MYL3: variants seen among roughly 807,000 people sequenced by gnomAD.
MYL3 encodes myosin light chain 3.
A neutral mutation model predicts 21.3 loss-of-function variants in MYL3; 11 were observed. The observed-to-expected ratio is 0.52, with a 90% confidence interval of 0.32 to 0.85. The LOEUF (loss-of-function observed/expected upper bound fraction) is 0.85, where lower values mean the gene tolerates loss of function less well. MYL3 is among the 40% of genes least tolerant of loss of function. The pLI is 0.03. For synonymous variants in MYL3, 88 were observed against 91.6 expected (o/e 0.96, Z 0.22); for missense variants, 206 against 253.3 (o/e 0.81, Z 1.27).
chr3:46,858,659 G>C (rs1166709089), intron 4 of MYL3, among the ~76,000 whole-genome samples, 198 bp from the exon 5 acceptor site: 1 of 152,222 alleles, frequency 6.6e-6, no homozygotes, highest in Non-Finnish European at 1.5e-5. Context: ...CTGGGGTGCA[G>C]TACGTGCTGT....
chr3:46,880,761 GAAGA>G (rs1411340502), intron 1 of MYL3, among the ~76,000 whole-genome samples: 2 of 141,278 alleles, frequency 1.4e-5, no homozygotes, highest in Non-Finnish European at 3.0e-5. Context: ...GAAGAAAGAA[GAAGA>G]AAGTAGCAGC....
rs746210438 is a variant in MYL3 at position 46,859,527 on chromosome 3, C to T, written c.429G>A (p.Glu143=). The change falls in exon 4 of 7, where the codon GAG becomes GAA. Residue 143 remains glutamate (E), a synonymous_variant. Coordinates refer to ENST00000292327, the MANE Select transcript of MYL3 (RefSeq NM_000258.3). This position sits in a 1 kb window ranked among gnomAD's most constrained non-coding sequence, Gnocchi z 4.1. ...FVEGLRVFDK[E]GNGTVMGAEL... is the part of the protein sequence containing the mutation. ...CAGCACCCATGACAGTGCCATTGCC[C>T]TCCTTGTCGAAGACCCGCAGCCCCT... The T allele has an allele frequency of 2.5e-6, 4 of 1,614,230 alleles. No individual in the cohort carries two copies. Among genetic ancestry groups the T allele is most frequent in the South Asian group, 1.1e-5 (1 of 91,078 alleles).
At chr3:46,869,376 C>G (rs1300417817) in intron 1 of MYL3, among the ~76,000 whole-genome samples, 1 of 152,176 alleles carries the variant, frequency 6.6e-6, no homozygotes, top group Non-Finnish European at 1.5e-5. Context: ...GTTCCATGAG[C>G]CGGCCTTGGA....
At chr3:46,865,848 G>A (rs144822631), upstream of MYL3, among the ~76,000 whole-genome samples, 7 of 152,278 alleles carry the variant, frequency 4.6e-5, no homozygotes, top group African/African-American at 1.4e-4. This position sits in a 1 kb window ranked among gnomAD's most constrained non-coding sequence, Gnocchi z 4.3. Context: ...GGTGCACAGA[G>A]CCATCCTCAC....
chr3:46,860,945 A>G lies in MYL3; in HGVS notation c.157+15T>C, dbSNP rs1357559149. The G allele has an allele frequency of 1.2e-6, 2 of 1,614,088 alleles. No individual in the cohort carries two copies. The highest frequency in any genetic ancestry group is 4.5e-5 in the East Asian group (2 of 44,872). On this transcript the variant is annotated intron_variant, in intron 2 of 6. Coordinates refer to ENST00000292327, the MANE Select transcript of MYL3 (RefSeq NM_000258.3). This position sits in a 1 kb window ranked among gnomAD's most constrained non-coding sequence, Gnocchi z 4.6. ...GCCCAATCCTGCAACCCCTGGGTTC[A>G]AGACCCCTGCTCACCTTCAATCTGC...
chr3:46,877,257 T>C (rs1258315266), intron 1 of MYL3, among the ~76,000 whole-genome samples: 1 of 152,016 alleles, frequency 6.6e-6, no homozygotes, highest in East Asian at 1.9e-4. Context: ...AGATCAGGCT[T>C]TCTTGGGCCT....
At chr3:46,870,182 C>G (rs758172821) in intron 1 of MYL3, among the ~76,000 whole-genome samples, 1 of 152,082 alleles carries the variant, frequency 6.6e-6, no homozygotes, top group Non-Finnish European at 1.5e-5. Flanking sequence ...CCACCCCTCA[C>G]CCCGGCTCCC....
At chr3:46,862,737 CA>C (rs1702005834) in intron 1 of MYL3, among the ~76,000 whole-genome samples, 3 of 152,334 alleles carry the variant, frequency 2.0e-5, no homozygotes, top group Admixed American at 2.0e-4. Context: ...GCTGATGCTT[CA>C]AGTTCCCTAC....
At chr3:46,872,900 T>A (rs1321148432) in intron 1 of MYL3, among the ~76,000 whole-genome samples, 1 of 152,168 alleles carries the variant, frequency 6.6e-6, no homozygotes, top group Non-Finnish European at 1.5e-5. Flanking sequence ...GGCCTGCTCA[T>A]GAGGAAACTG....
chr3:46,869,873 T>C (rs1423235744), intron 1 of MYL3, among the ~76,000 whole-genome samples: 1 of 151,112 alleles, frequency 6.6e-6, no homozygotes, highest in African/African-American at 2.4e-5. Context: ...AATTGAGTGG[T>C]TGTTTGAGTG....
rs148310342 is a variant in MYL3 at position 46,863,387 on chromosome 3, C to G, written c.4G>C (p.Ala2Pro). Residue 2 changes from alanine (A) to proline (P), a missense_variant, in exon 1 of 7, where the codon GCC (alanine) becomes CCC (proline). By Grantham distance (27) the Ala-to-Pro change is conservative (BLOSUM62 -1). Coordinates refer to ENST00000292327, the MANE Select transcript of MYL3 (RefSeq NM_000258.3). ...TTCTTGGGCTCTGGCTTTTTGGGGG[C>G]CATTGGGGGCTGTAAGTACAGAGAG... M[A>P]PKKPEPKKDD... 3.7e-5 allele frequency: 59 copies of G among 1,612,966 alleles called. No individual in the cohort carries two copies. In the African/African-American group the frequency reaches 4.8e-4, roughly 13 times the overall value.
intron 1 of MYL3, among the ~76,000 whole-genome samples, chr3:46,871,249 T>G (rs1303972051): frequency 6.6e-6 from 1 of 152,096 alleles, no homozygotes; most frequent in African/African-American, 2.4e-5. Flanking sequence ...GGCACGGTAG[T>G]GTCCGCATCT....
chr3:46,858,166 A>G, intron 6 of MYL3, 65 bp from the exon 7 acceptor site: 3 of 1,541,680 alleles, frequency 1.9e-6, no homozygotes, highest in Non-Finnish European at 9.0e-7. Flanking sequence ...ATGTCAAGTG[A>G]GCACTGCAGC....
At chr3:46,869,313 G>A (rs1045823351) in intron 1 of MYL3, among the ~76,000 whole-genome samples, 8 of 152,330 alleles carry the variant, frequency 5.3e-5, no homozygotes, top group South Asian at 2.1e-4. Context: ...GCTCAGCAGC[G>A]GCCTGAAATG....
At chr3:46,867,666 G>T (rs563905004), upstream of MYL3, among the ~76,000 whole-genome samples, 3 of 152,222 alleles carry the variant, frequency 2.0e-5, no homozygotes, top group Non-Finnish European at 4.4e-5. Flanking sequence ...CTGGCCTGCC[G>T]GTCCCGCCCC....
intron 5 of MYL3, 41 bp from the exon 6 acceptor site, chr3:46,858,313 G>A: frequency 6.2e-7 from 1 of 1,614,116 alleles, no homozygotes; most frequent in Non-Finnish European, 8.5e-7. Context: ...GTGCAACATG[G>A]GGAAGCCATG....
rs1233880264 is a variant in MYL3, at chr3:46,874,451, G to A, written c.-218+7623C>T. The stretch of plus-strand genomic sequence containing the variant: ...TGTCAGGACTAGGGGTTCTCCACTC[G>A]AGGGCTCCCGGCCACAGCCCCCGGC... On this transcript the variant is annotated intron_variant, in intron 1 of 3. Coordinates refer to the MYL3 transcript ENST00000431168. This position sits in a 1 kb window ranked among gnomAD's most constrained non-coding sequence, Gnocchi z 4.1. Among the ~76,000 whole-genome samples, 3 of 152,126 alleles carry A rather than the reference G, an allele frequency of 2.0e-5. No individual in the cohort carries two copies. Among genetic ancestry groups the A allele is most frequent in the South Asian group, 2.1e-4 (1 of 4,824 alleles).
chr3:46,860,316 T>C lies in MYL3; in HGVS notation c.307+360A>G, dbSNP rs983693170. ...GCTAAATTTTTAATTTTTGTAGAGA[T>C]AGAATCTCACTATGTTACCCAGGCT... On this transcript the variant is annotated intron_variant, in intron 3 of 6. Coordinates refer to ENST00000292327, the MANE Select transcript of MYL3 (RefSeq NM_000258.3). The surrounding 1 kb of genome is among the most constrained non-coding windows in gnomAD (Gnocchi z 4.6). Among the ~76,000 whole-genome samples the C allele has an allele frequency of 6.6e-6, 1 of 152,080 alleles. No individual in the cohort carries two copies. Among genetic ancestry groups the C allele is most frequent in the African/African-American group, 2.4e-5 (1 of 41,404 alleles).
chr3:46,858,086 G>A lies in MYL3; in HGVS notation c.*29C>T. ...ATGGGAGATGAGACGTCCCTGCACA[G>A]CCTTCCCTGGGCTTCCTGAGAGCAA... On this transcript the variant is annotated 3_prime_UTR_variant, in exon 7 of 7. Transcript: ENST00000292327. 1.4e-5 allele frequency: 13 copies of A among 958,034 alleles called. No individual in the cohort carries two copies. The highest frequency in any genetic ancestry group is 2.0e-5 in the Non-Finnish European group (12 of 606,706). 59.3% of individuals were successfully genotyped at this position (958,034 alleles called of 1,614,324 possible). A position where few individuals can be genotyped will look rare whatever the true frequency, so the allele number is the denominator to read the frequency against.
Sources: gnomAD v4.1 joint callset for allele counts (sites outside exome capture counted in the v4.1 genomes callset) on GRCh38, gnomAD v4.1.1 for gene constraint, Gnocchi (gnomAD v3.1) non-coding constraint, MANE v1.5 for transcripts, NCBI Gene and HGNC (gene_info 2026-07-23, HGNC 2026-07-21) for gene names.